Variants in ATP6V0A4 observed in about 807,000 individuals in gnomAD.
The protein encoded by ATP6V0A4 is V-type proton ATPase 116 kDa subunit a 4.
In ATP6V0A4, 86 loss-of-function variants were observed where a neutral mutation model predicts 107.3. The ratio of observed to expected loss-of-function variants is 0.80; its 90% CI spans 0.67 to 0.96. The LOEUF (loss-of-function observed/expected upper bound fraction) is 0.96. ATP6V0A4 is among the 40% of genes least tolerant of loss of function. The probability of loss-of-function intolerance (pLI) is 0.00; values close to 1 mark genes in which losing one functional copy is unlikely to be tolerated. For missense variants in ATP6V0A4, 908 were observed against 1,045.6 expected, an observed-to-expected ratio of 0.87 and a Z score of 1.81; for synonymous variants, 353 against 381.4, an observed-to-expected ratio of 0.93 and a Z score of 0.87.
At position 138,798,059 on chromosome 7, in the gene ATP6V0A4, C is replaced by T. The variant is rs564783772; in HGVS notation, c.-146G>A. ...CTGCAGCAGGCACTCGGCACAACTC[C>T]GCAGGACCGGCTCACCTGCACCGGG... On this transcript the variant is annotated 5_prime_UTR_variant, in exon 1 of 22. Coordinates refer to ENST00000310018, the MANE Select transcript of ATP6V0A4 (RefSeq NM_020632.3). The T allele has an allele frequency of 1.2e-5, 19 of 1,564,260 alleles. 1 individual carries two copies. Among genetic ancestry groups the T allele is most frequent in the East Asian group, 9.5e-5 (4 of 41,920 alleles).
At chr7:138,755,830 G>A (rs374889026) in intron 9 of ATP6V0A4, 48 bp from the exon 10 acceptor site, 23 of 1,600,806 alleles carry the variant, frequency 1.4e-5, no homozygotes, top group Non-Finnish European at 1.5e-5. Context: ...TTGCTGCAAA[G>A]CATTCTGCAT....
chr7:138,733,572 CTTTTTTT>C (rs3080537), intron 16 of ATP6V0A4, among the ~76,000 whole-genome samples: 11 of 87,062 alleles, frequency 1.3e-4, no homozygotes, highest in South Asian at 4.8e-4. Context: ...AATGGTTTCT[CTTTTTTT>C]TTTTTTTTTT....
At chr7:138,725,791 G>A (rs1804681082) in intron 18 of ATP6V0A4, among the ~76,000 whole-genome samples, 1 of 152,086 alleles carries the variant, frequency 6.6e-6, no homozygotes, top group Non-Finnish European at 1.5e-5. Flanking sequence ...GGGATTACAG[G>A]CATGAGCCAC....
chr7:138,767,644 C>CAA (rs201479201), intron 5 of ATP6V0A4, among the ~76,000 whole-genome samples: 1,020 of 97,378 alleles, frequency 0.01, 20 homozygotes, highest in African/African-American at 0.035. Flanking sequence ...AAGTTATCTT[C>CAA]AAAAAAAAAA....
Position 138,752,623 on chromosome 7 carries a change from A to G in ATP6V0A4, c.1029+2T>C. 1 of 1,613,016 alleles carries G rather than the reference A, an allele frequency of 6.2e-7. No homozygotes were observed. Among genetic ancestry groups the G allele is most frequent in the Non-Finnish European group, 8.5e-7 (1 of 1,179,842 alleles). ...CCCCTCCTGGCTCCACCTGCCACGC[A>G]CCATGCCTTGCTCCAGTGCCCTCTT... On this transcript the variant is annotated splice_donor_variant, in intron 11 of 21. Coordinates refer to ENST00000310018, the MANE Select transcript of ATP6V0A4 (RefSeq NM_020632.3). LOFTEE classifies it high-confidence loss of function.
intron 12 of ATP6V0A4, 88 bp downstream of exon 12, chr7:138,749,079 C>T (rs190299977): frequency 6.5e-7 from 1 of 1,542,450 alleles, no homozygotes; most frequent in Admixed American, 1.7e-5. Flanking sequence ...ACAGTTTTAA[C>T]AAGTTCACCA....
At position 138,794,659 on chromosome 7, in the gene ATP6V0A4, TA is replaced by T. The variant is rs919605980; in HGVS notation, c.-121+3374del. Among the ~76,000 whole-genome samples the T allele has an allele frequency of 2.9e-3, 416 of 143,730 alleles. 1 individual carries two copies. Among genetic ancestry groups the T allele is most frequent in the East Asian group, 0.013 (66 of 4,984 alleles). 94.3% of individuals were successfully genotyped at this position (143,730 alleles called of 152,430 possible). ...TAACCAAATACCTATCTCACCCATTTAAAAAAAAAAAAAGTCTTGAGAAAGT... is the reference window on the plus strand; with the variant it reads ...TAACCAAATACCTATCTCACCCATTTAAAAAAAAAAAAGTCTTGAGAAAGT... On this transcript the variant is annotated intron_variant, in intron 1 of 21. Transcript: ENST00000310018.
chr7:138,769,174 G>T lies in ATP6V0A4; in HGVS notation c.195C>A (p.Leu65=). ...VRRCESLERI[L]RFLEDEMQNE... The stretch of plus-strand genomic sequence containing the variant: ...AAAAAAAAAAAAAAATTGGCTTACG[G>T]AGGATTCTCTCCAGTGATTCACACC... Residue 65 remains leucine, a splice_region_variant and synonymous_variant, in exon 4 of 22, where the codon CTC becomes CTA. Coordinates refer to ENST00000310018, the MANE Select transcript of ATP6V0A4 (RefSeq NM_020632.3). 6.2e-7 allele frequency: 1 copy of T among 1,609,108 alleles called. No homozygotes were observed.
intron 14 of ATP6V0A4, chr7:138,739,840 T>G (rs1046599748): frequency 8.8e-6 from 4 of 455,486 alleles, no homozygotes; most frequent in African/African-American, 2.1e-5. Context: ...CAGCCTGATG[T>G]GCTATAGTAA....
chr7:138,776,295 G>A (rs1415895172), intron 2 of ATP6V0A4, among the ~76,000 whole-genome samples: 1 of 152,192 alleles, frequency 6.6e-6, no homozygotes, highest in Non-Finnish European at 1.5e-5. Flanking sequence ...GGCAGTGGAG[G>A]CCCAGCCCTC....
At chr7:138,741,301 G>A (rs1805621983) in intron 14 of ATP6V0A4, among the ~76,000 whole-genome samples, 4 of 152,192 alleles carry the variant, frequency 2.6e-5, no homozygotes, top group Admixed American at 1.3e-4. Context: ...CTGGCCTACT[G>A]TCCTGGCCCT....
chr7:138,736,141 A>G (rs1239789116), intron 15 of ATP6V0A4, among the ~76,000 whole-genome samples: 3 of 152,202 alleles, frequency 2.0e-5, no homozygotes, highest in African/African-American at 7.2e-5. Context: ...AGCTGCTTGG[A>G]AGGCTGAAGC....
chr7:138,755,884 GC>G, intron 9 of ATP6V0A4, 102 bp from the exon 10 acceptor site: 1 of 1,542,964 alleles, frequency 6.5e-7, no homozygotes, highest in Admixed American at 1.9e-5. Flanking sequence ...TAGTTAGATG[GC>G]CAGCCTATCC....
Position 138,706,876 on chromosome 7 carries a change from G to A in ATP6V0A4, c.2430-159C>T, listed in dbSNP as rs555283003. 0.01 allele frequency: 5,912 copies of A among 571,148 alleles called. 44 individuals are homozygous for A. Among genetic ancestry groups the A allele is most frequent in the Non-Finnish European group, 0.012 (5,491 of 459,434 alleles). 35.4% of individuals were successfully genotyped at this position (571,148 alleles called of 1,614,324 possible). ...AGGCACCCAGGCTGATGGCTGCCAT[G>A]AGAATCCTGAGGATTTTTTTTTTTT... On this transcript the variant is annotated intron_variant, in intron 21 of 21. Coordinates refer to ENST00000310018, the MANE Select transcript of ATP6V0A4 (RefSeq NM_020632.3).
In ATP6V0A4 at chr7:138,721,886, G is replaced by A. The variant is rs763651974; in HGVS notation, c.2139+11C>T. The A allele has an allele frequency of 4.3e-6, 7 of 1,613,822 alleles. No homozygotes were observed. Among genetic ancestry groups the A allele is most frequent in the East Asian group, 2.2e-5 (1 of 44,860 alleles). On this transcript the variant is annotated intron_variant, in intron 19 of 21. Transcript: ENST00000310018. Reference sequence around the variant, plus strand: ...TGGGGAGTCTTCCTCAGGGGCTCTCGTCCCAGATACCTCTTCTCCATGGTC... The same window carrying A: ...TGGGGAGTCTTCCTCAGGGGCTCTCATCCCAGATACCTCTTCTCCATGGTC...
chr7:138,747,310 A>G lies in ATP6V0A4; in HGVS notation c.1320+115T>C, dbSNP rs1240241591. On this transcript the variant is annotated intron_variant, in intron 13 of 21. Transcript: ENST00000310018. Reference sequence around the variant, plus strand: ...TTTTAGGTTAATTTGGCTCTTTTTTACTTTCCTTCTCTCCTTTATTTTTCA... The same window carrying G: ...TTTTAGGTTAATTTGGCTCTTTTTTGCTTTCCTTCTCTCCTTTATTTTTCA... 10 of 1,345,974 alleles carry G rather than the reference A, an allele frequency of 7.4e-6. No homozygotes were observed. In the Admixed American group the frequency reaches 1.5e-4, roughly 20 times the overall value. The allele number at this position is 1,345,974 out of a possible 1,614,324, so 83.4% of individuals were successfully genotyped here. A position where few individuals can be genotyped will look rare whatever the true frequency, so the allele number is the denominator to read the frequency against.
intron 20 of ATP6V0A4, among the ~76,000 whole-genome samples, chr7:138,715,503 ATT>A (rs200902496): frequency 0.015 from 2,179 of 146,446 alleles, 39 homozygotes; most frequent in East Asian, 0.073. Context: ...GCCCGGCCAA[ATT>A]TGTGTTGTTT....
intron 14 of ATP6V0A4, among the ~76,000 whole-genome samples, chr7:138,742,291 G>T (rs1805670842): frequency 6.6e-6 from 1 of 152,118 alleles, no homozygotes; most frequent in South Asian, 2.1e-4. Flanking sequence ...ACTGGGTGTA[G>T]TGGCACACGC....
At chr7:138,707,940 T>C (rs1429525375) in intron 21 of ATP6V0A4, among the ~76,000 whole-genome samples, 1 of 152,076 alleles carries the variant, frequency 6.6e-6, no homozygotes, top group African/African-American at 2.4e-5. Context: ...GACTCACATA[T>C]TATAGAACGC....
Sources: allele counts gnomAD v4.1 joint callset (sites outside exome capture counted in the v4.1 genomes callset), GRCh38; gene constraint gnomAD v4.1.1; transcripts MANE v1.5; gene names NCBI Gene and HGNC (gene_info 2026-07-23, HGNC 2026-07-21).